Variants in CFAP69 observed in about 807,000 individuals in gnomAD.
CFAP69 encodes the protein cilia- and flagella-associated protein 69.
A neutral mutation model predicts 123.0 loss-of-function variants in CFAP69; 92 were observed. The ratio of observed to expected loss-of-function variants is 0.75; its 90% confidence interval spans 0.63 to 0.89. The LOEUF (loss-of-function observed/expected upper bound fraction) is 0.89, where lower values mean the gene tolerates loss of function less well. Among genes scored for constraint, CFAP69 ranks in the 40% least tolerant of loss-of-function variants. The pLI is 0.00. For missense variants in CFAP69, 1,067 were observed against 1,096.9 expected (o/e 0.97, Z 0.39); for synonymous variants, 380 against 364.3 (o/e 1.04, Z -0.49).
chr7:90,276,889 A>C (rs1788689914), intron 9 of CFAP69, among the ~76,000 whole-genome samples, 184 bp from the exon 10 acceptor site: 1 of 152,204 alleles, frequency 6.6e-6, no homozygotes. Context: ...ATTTTAAATA[A>C]GCTTATCTGG....
intron 1 of CFAP69, among the ~76,000 whole-genome samples, chr7:90,250,189 AG>A (rs1796809737): frequency 1.2e-4 from 1 of 8,620 alleles, no homozygotes; most frequent in Non-Finnish European, 2.5e-4. Context: ...TAAAGAGAGG[AG>A]AGAGAGAGAG....
intron 17 of CFAP69, chr7:90,300,620 C>T (rs1263742546): frequency 5.9e-6 from 2 of 339,074 alleles, no homozygotes; most frequent in Non-Finnish European, 8.3e-6. Flanking sequence ...TTACATATTC[C>T]ATACTGCTAT....
chr7:90,270,943 G>A (rs1169239786), intron 6 of CFAP69, among the ~76,000 whole-genome samples: 2 of 152,034 alleles, frequency 1.3e-5, no homozygotes, highest in Admixed American at 6.6e-5. Flanking sequence ...TATCAGAGTA[G>A]CATTACATTT....
the CFAP69 span, chr7:90,321,422 G>A: frequency 6.5e-6 from 1 of 152,718 alleles, no homozygotes; most frequent in Non-Finnish European, 1.5e-5. Flanking sequence ...CCAGACCTCG[G>A]GGGCCTCTGC....
At chr7:90,267,921 C>T (rs1427935602) in intron 5 of CFAP69, among the ~76,000 whole-genome samples, 1 of 152,148 alleles carries the variant, frequency 6.6e-6, no homozygotes, top group Non-Finnish European at 1.5e-5. Flanking sequence ...TATTGTTATA[C>T]CTGCTTAATA....
intron 18 of CFAP69, 168 bp downstream of exon 18, chr7:90,304,274 C>G: frequency 7.4e-7 from 1 of 1,349,106 alleles, no homozygotes; most frequent in Non-Finnish European, 9.5e-7. Flanking sequence ...CCAATTAAAT[C>G]AGAATCTCTG....
intron 1 of CFAP69, among the ~76,000 whole-genome samples, chr7:90,253,705 A>G (rs993950468): frequency 6.6e-6 from 1 of 151,984 alleles, no homozygotes; most frequent in Non-Finnish European, 1.5e-5. Flanking sequence ...TTTGCTATTG[A>G]GTTGTGTTCC....
chr7:90,296,062 G>A (rs538353031), intron 15 of CFAP69, among the ~76,000 whole-genome samples: 6 of 152,140 alleles, frequency 3.9e-5, no homozygotes, highest in Admixed American at 2.0e-4. Flanking sequence ...GACTTCGAGC[G>A]CCTTAACCTT....
intron 19 of CFAP69, among the ~76,000 whole-genome samples, chr7:90,306,566 A>G (rs1457829964): frequency 6.6e-6 from 1 of 152,200 alleles, no homozygotes; most frequent in East Asian, 1.9e-4. Context: ...ACGATAGTTC[A>G]GAAAGATCAG....
chr7:90,315,360 A>C (rs562015148), downstream of CFAP69, among the ~76,000 whole-genome samples: 56 of 152,236 alleles, frequency 3.7e-4, no homozygotes, highest in Middle Eastern at 0.014. Flanking sequence ...AACCTAAATG[A>C]CCATCATGAC....
downstream of CFAP69, among the ~76,000 whole-genome samples, chr7:90,313,325 T>C (rs1466198574): frequency 1.3e-5 from 2 of 152,214 alleles, no homozygotes; most frequent in African/African-American, 4.8e-5. Context: ...TAACTTACAT[T>C]AGTTTCATTA....
At chr7:90,255,116 C>T (rs752910042) in intron 1 of CFAP69, among the ~76,000 whole-genome samples, 7 of 152,104 alleles carry the variant, frequency 4.6e-5, no homozygotes, top group Non-Finnish European at 8.8e-5. Flanking sequence ...AATGTGTATA[C>T]AAGATAATTT....
intron 21 of CFAP69, among the ~76,000 whole-genome samples, chr7:90,308,441 C>T (rs937428645): frequency 2.0e-5 from 3 of 152,100 alleles, no homozygotes; most frequent in African/African-American, 7.2e-5. Context: ...TTACTTTTCC[C>T]CACCCTTTTC....
chr7:90,271,746 G>A, intron 7 of CFAP69, 35 bp from the exon 8 acceptor site: 1 of 1,585,050 alleles, frequency 6.3e-7, no homozygotes. Context: ...TGTCAATATT[G>A]TAAAGCACAA....
At chr7:90,307,910 G>C (rs1793845582) in intron 21 of CFAP69, 56 bp downstream of exon 21, 4 of 1,104,460 alleles carry the variant, frequency 3.6e-6, no homozygotes, top group African/African-American at 1.6e-5. Context: ...CTTACAGACA[G>C]ACTTTTTCAG....
At chr7:90,262,203 G>A (rs936569512) in intron 4 of CFAP69, 147 bp downstream of exon 4, 8 of 531,000 alleles carry the variant, frequency 1.5e-5, no homozygotes, top group Non-Finnish European at 2.3e-5. Context: ...CCAGCAGTTG[G>A]CATTTCAGGT....
intron 5 of CFAP69, among the ~76,000 whole-genome samples, chr7:90,266,922 G>T (rs1052480322): frequency 1.3e-4 from 20 of 152,112 alleles, no homozygotes; most frequent in Non-Finnish European, 2.9e-4. Context: ...CAAGATTCTG[G>T]AAATGGATGG....
chr7:90,314,826 C>A (rs1019814399), downstream of CFAP69, among the ~76,000 whole-genome samples: 1 of 151,814 alleles, frequency 6.6e-6, no homozygotes, highest in East Asian at 1.9e-4. Context: ...CCCACTAACT[C>A]ATCATCTAGC....
At chr7:90,291,449 C>CA (rs1384486144) in intron 15 of CFAP69, among the ~76,000 whole-genome samples, 4 of 152,162 alleles carry the variant, frequency 2.6e-5, no homozygotes, top group Non-Finnish European at 5.9e-5. Flanking sequence ...CCAAGGTCTT[C>CA]ATGACCTGTA....
Sources: allele counts gnomAD v4.1 joint callset (sites outside exome capture counted in the v4.1 genomes callset), GRCh38; gene constraint gnomAD v4.1.1; transcripts MANE v1.5; gene names NCBI Gene and HGNC (gene_info 2026-07-23, HGNC 2026-07-21).